CCDC60: variants seen among roughly 807,000 people sequenced by gnomAD.
CCDC60 encodes coiled-coil domain-containing protein 60.
In CCDC60, 54 loss-of-function variants were observed where a neutral mutation model predicts 63.5. That is an observed-to-expected ratio of 0.85 (90% CI 0.68 to 1.07). The LOEUF is 1.07. Ranked by LOEUF, CCDC60 falls within the 50% of genes least tolerant of loss-of-function variation. The pLI, the probability that CCDC60 is intolerant of heterozygous loss-of-function variation, is 0.00. For synonymous variants in CCDC60, 206 were observed against 238.8 expected, an observed-to-expected ratio of 0.86 and a Z score of 1.27; for missense variants, 651 against 684.3, an observed-to-expected ratio of 0.95 and a Z score of 0.54.
At chr12:119,495,892 G>A (rs759234894) in intron 5 of CCDC60, among the ~76,000 whole-genome samples, 7 of 152,188 alleles carry the variant, frequency 4.6e-5, no homozygotes, top group South Asian at 4.1e-4. Context: ...GAAATTGATG[G>A]GTGATGTGCT....
At chr12:119,531,897 A>C (rs1356974244) in intron 13 of CCDC60, among the ~76,000 whole-genome samples, 1 of 152,224 alleles carries the variant, frequency 6.6e-6, no homozygotes, top group African/African-American at 2.4e-5. Flanking sequence ...AGGTTAATGA[A>C]GTCACTTCTT....
rs184213393 is a variant in CCDC60 at position 119,452,638 on chromosome 12, G to A, written c.171-19356G>A. On this transcript the variant is annotated intron_variant, in intron 2 of 13. Transcript: ENST00000327554. Reference sequence around the variant, plus strand: ...AGCTTTCTCACAGTTACTGGCACACGGTAATGAGTCATATTCTAGTTGTGA... The same window carrying A: ...AGCTTTCTCACAGTTACTGGCACACAGTAATGAGTCATATTCTAGTTGTGA... Among the ~76,000 whole-genome samples, 6 of 152,256 alleles carry A rather than the reference G, an allele frequency of 3.9e-5. No individual in the cohort carries two copies. The East Asian group carries it at 5.8e-4, about 15-fold the overall frequency.
chr12:119,370,623 C>T (rs1955888200), intron 1 of CCDC60, among the ~76,000 whole-genome samples: 1 of 152,198 alleles, frequency 6.6e-6, no homozygotes, highest in South Asian at 2.1e-4. Flanking sequence ...ACAGCTCTGA[C>T]ATCTCACCAA....
chr12:119,455,584 G>A (rs549050408), intron 2 of CCDC60, among the ~76,000 whole-genome samples: 10 of 152,044 alleles, frequency 6.6e-5, no homozygotes, highest in African/African-American at 1.2e-4. Flanking sequence ...ATGTGCAGGC[G>A]GGTCACAGTG....
chr12:119,499,947 A>G (rs1951807839), intron 5 of CCDC60, 131 bp from the exon 6 acceptor site: 1 of 733,844 alleles, frequency 1.4e-6, no homozygotes, highest in Non-Finnish European at 2.4e-6. Flanking sequence ...CTTCACAAGT[A>G]GAGGAGTGGG....
chr12:119,459,122 G>T (rs1236987496), intron 2 of CCDC60, among the ~76,000 whole-genome samples: 1 of 152,178 alleles, frequency 6.6e-6, no homozygotes, highest in Non-Finnish European at 1.5e-5. Context: ...GTTCAGACTT[G>T]CAGGAAGGGG....
chr12:119,496,772 A>G (rs1202122515), intron 5 of CCDC60, among the ~76,000 whole-genome samples: 3 of 152,210 alleles, frequency 2.0e-5, no homozygotes, highest in African/African-American at 7.2e-5. Flanking sequence ...AGTGGGGAAG[A>G]CAGAGGACTC....
At chr12:119,495,610 G>A (rs1021897002) in intron 5 of CCDC60, among the ~76,000 whole-genome samples, 4 of 152,126 alleles carry the variant, frequency 2.6e-5, no homozygotes, top group South Asian at 4.1e-4. Flanking sequence ...TGTCGCAATC[G>A]TTCTGAGCAG....
chr12:119,418,988 T>C (rs879695205), intron 1 of CCDC60, among the ~76,000 whole-genome samples: 4 of 152,244 alleles, frequency 2.6e-5, no homozygotes, highest in Non-Finnish European at 5.9e-5. Context: ...ACCGCCAGCA[T>C]CCACAGCAGC....
At position 119,375,829 on chromosome 12, in the gene CCDC60, T is replaced by G. The variant is rs550699185; in HGVS notation, c.90+40563T>G. ...GGGAAGTGGGTGAGCCAGAAGGCCC[T>G]GGGGACAGTTTTCGAAATGAATCAA... On this transcript the variant is annotated intron_variant, in intron 1 of 13. Coordinates refer to ENST00000327554, the MANE Select transcript of CCDC60 (RefSeq NM_178499.5). Among the ~76,000 whole-genome samples the G allele has an allele frequency of 1.0e-3, 155 of 152,280 alleles. 1 individual carries two copies. Among genetic ancestry groups the G allele is most frequent in the African/African-American group, 3.6e-3 (150 of 41,568 alleles).
Position 119,494,021 on chromosome 12 carries a change from A to T in CCDC60, c.557+5155A>T, listed in dbSNP as rs562335293. Among the ~76,000 whole-genome samples, 81 of 152,278 alleles carry T rather than the reference A, an allele frequency of 5.3e-4. 1 individual carries two copies. In the South Asian group the frequency reaches 0.016, roughly 31 times the overall value. The stretch of plus-strand genomic sequence containing the variant: ...AAAAGGCCACTAACAGCCTCCCATC[A>T]GTTTCTGTCATGCTTTGCTACCAAA... On this transcript the variant is annotated intron_variant, in intron 5 of 13. Coordinates refer to ENST00000327554, the MANE Select transcript of CCDC60 (RefSeq NM_178499.5).
intron 2 of CCDC60, among the ~76,000 whole-genome samples, chr12:119,434,867 G>A (rs926767222): frequency 5.3e-5 from 8 of 152,200 alleles, no homozygotes; most frequent in Non-Finnish European, 8.8e-5. Flanking sequence ...CTTGTAGGCT[G>A]CGATGAAAAG....
At chr12:119,371,972 C>T (rs1955902605) in intron 1 of CCDC60, among the ~76,000 whole-genome samples, 1 of 152,066 alleles carries the variant, frequency 6.6e-6, no homozygotes, top group African/African-American at 2.4e-5. Context: ...TAAGCATGAT[C>T]TTAGGCCGGA....
In CCDC60 at chr12:119,470,331, G is replaced by C. The variant is rs141572193; in HGVS notation, c.171-1663G>C. ...CATGACACTGTGAACTCCTTGGGGG[G>C]TAAATGTTTTATCTTATTGCTTTGT... On this transcript the variant is annotated intron_variant, in intron 2 of 13. Coordinates refer to ENST00000327554, the MANE Select transcript of CCDC60 (RefSeq NM_178499.5). Among the ~76,000 whole-genome samples the C allele has an allele frequency of 2.6e-5, 4 of 152,302 alleles. 1 individual carries two copies. The highest frequency in any genetic ancestry group is 9.6e-5 in the African/African-American group (4 of 41,566).
In CCDC60 at chr12:119,524,721, CTT is replaced by C. The variant is rs55694840; in HGVS notation, c.1229+921_1229+922del. ...ACAGCAGTTTCTTTTCTTTTCTTTT[CTT>C]TTTTTTTTTTTTTTTTTGAGACAGG... is the stretch of plus-strand genomic sequence containing the variant. On this transcript the variant is annotated intron_variant, in intron 11 of 13. Coordinates refer to ENST00000327554, the MANE Select transcript of CCDC60 (RefSeq NM_178499.5). 1.3e-4 allele frequency among the ~76,000 whole-genome samples: 13 copies of C among 99,026 alleles called. 1 individual carries two copies. Among genetic ancestry groups the C allele is most frequent in the East Asian group, 5.8e-4 (2 of 3,456 alleles). 65.0% of individuals were successfully genotyped at this position (99,026 alleles called of 152,430 possible). A position where few individuals can be genotyped will look rare whatever the true frequency, so the allele number is the denominator to read the frequency against.
chr12:119,452,475 A>C (rs1461784005), intron 2 of CCDC60, among the ~76,000 whole-genome samples: 1 of 152,180 alleles, frequency 6.6e-6, no homozygotes, highest in Non-Finnish European at 1.5e-5. Flanking sequence ...CTCCACCCAG[A>C]CTGGGTACCT....
In CCDC60 at chr12:119,401,261, C is replaced by T. The variant is rs376432433; in HGVS notation, c.91-27422C>T. On this transcript the variant is annotated intron_variant, in intron 1 of 13. Coordinates refer to ENST00000327554, the MANE Select transcript of CCDC60 (RefSeq NM_178499.5). ...CTCTTCCAATACCTGATGTGACTCC[C>T]CATCTACTTTGGCACAAGCATTTGA... 3.3e-5 allele frequency among the ~76,000 whole-genome samples: 5 copies of T among 152,304 alleles called. No homozygotes were observed. The East Asian group carries it at 7.7e-4, about 24-fold the overall frequency.
intron 2 of CCDC60, 95 bp from the exon 3 acceptor site, chr12:119,471,892 TCTCTTTC>T: frequency 1.0e-6 from 1 of 972,920 alleles, no homozygotes; most frequent in Non-Finnish European, 1.5e-6. Flanking sequence ...ATCTCTCTTT[TCTCTTTC>T]CTCTCTCTCT....
chr12:119,466,028 G>C (rs1036790397), intron 2 of CCDC60, among the ~76,000 whole-genome samples: 1 of 152,134 alleles, frequency 6.6e-6, no homozygotes, highest in Admixed American at 6.5e-5. Flanking sequence ...GTTTAAAATC[G>C]TACTTGCTCA....
Sources: allele counts gnomAD v4.1 joint callset (sites outside exome capture counted in the v4.1 genomes callset), GRCh38; gene constraint gnomAD v4.1.1; transcripts MANE v1.5; gene names NCBI Gene and HGNC (gene_info 2026-07-23, HGNC 2026-07-21).